Variants in COTL1 observed in about 807,000 individuals in gnomAD.
COTL1 encodes coactosin-like protein.
A neutral mutation model predicts 16.5 loss-of-function variants in COTL1; 15 were observed. That is an observed-to-expected ratio of 0.91 (90% CI 0.61 to 1.40). The LOEUF (loss-of-function observed/expected upper bound fraction) is 1.40, where lower values mean the gene tolerates loss of function less well. Among genes scored for constraint, COTL1 ranks in the 40% most tolerant of loss-of-function variants. COTL1 has a pLI of 0.00. For missense variants in COTL1, 220 were observed against 201.5 expected (o/e 1.09, Z -0.56); for synonymous variants, 112 against 85.3 (o/e 1.31, Z -1.73).
chr16:84,614,352 G>T (rs1905414888), intron 2 of COTL1, among the ~76,000 whole-genome samples: 1 of 152,170 alleles, frequency 6.6e-6, no homozygotes, highest in African/African-American at 2.4e-5. Context: ...GAGTGCGGGG[G>T]TGGGAGGGAA....
chr16:84,599,263 G>C (rs1204756881), intron 2 of COTL1, among the ~76,000 whole-genome samples: 1 of 152,250 alleles, frequency 6.6e-6, no homozygotes, highest in Non-Finnish European at 1.5e-5. Context: ...GCCAAAGCCA[G>C]TCCTGGCTGG....
At chr16:84,609,548 T>C (rs1416408160) in intron 2 of COTL1, among the ~76,000 whole-genome samples, 4 of 152,196 alleles carry the variant, frequency 2.6e-5, no homozygotes, top group Non-Finnish European at 5.9e-5. Flanking sequence ...GGCCTCACTT[T>C]CTCCTCTGGT....
At chr16:84,617,757 C>T (rs1567542961) in intron 1 of COTL1, 81 bp downstream of exon 1, 1 of 1,453,144 alleles carries the variant, frequency 6.9e-7, no homozygotes, top group Non-Finnish European at 9.4e-7. Flanking sequence ...CCGAATCCGT[C>T]CCGCCTGGAG....
intron 2 of COTL1, among the ~76,000 whole-genome samples, chr16:84,603,731 G>A (rs1281125049): frequency 1.3e-5 from 2 of 152,072 alleles, no homozygotes; most frequent in Admixed American, 6.5e-5. Context: ...GCTGCTCAGG[G>A]CCTGTGGGGT....
At chr16:84,603,445 G>A (rs1555524283) in intron 2 of COTL1, among the ~76,000 whole-genome samples, 1 of 152,140 alleles carries the variant, frequency 6.6e-6, no homozygotes, top group Non-Finnish European at 1.5e-5. Context: ...AAACACAGGG[G>A]GACCCACTGA....
At chr16:84,605,409 G>A (rs1053731845) in intron 2 of COTL1, among the ~76,000 whole-genome samples, 4 of 152,208 alleles carry the variant, frequency 2.6e-5, no homozygotes, top group East Asian at 1.9e-4. Flanking sequence ...GCAAAACAAC[G>A]GCCCCTAAGA....
intron 2 of COTL1, chr16:84,595,723 T>C (rs752833556): frequency 3.9e-5 from 6 of 152,180 alleles, no homozygotes; most frequent in Non-Finnish European, 7.3e-5. Context: ...TAGTGTGATA[T>C]GTGTGTGCGT....
chr16:84,572,181 G>T lies in COTL1; in HGVS notation c.319-5226C>A, dbSNP rs1301084381. On this transcript the variant is annotated intron_variant, in intron 3 of 3. Transcript: ENST00000262428. ...GGCAGAAGCTGAGCAAAACAGCTCT[G>T]GGCAGACAGACTCTGACTTGGGAGC... Among the ~76,000 whole-genome samples, 4 of 152,344 alleles carry T rather than the reference G, an allele frequency of 2.6e-5. No homozygotes were observed. In the East Asian group the frequency reaches 7.7e-4, roughly 29 times the overall value.
At chr16:84,601,801 T>G (rs1567538596) in intron 2 of COTL1, among the ~76,000 whole-genome samples, 1 of 152,030 alleles carries the variant, frequency 6.6e-6, no homozygotes, top group Non-Finnish European at 1.5e-5. Context: ...GAGAACAGGG[T>G]AAGGACAAAG....
intron 3 of COTL1, 194 bp from the exon 4 acceptor site, chr16:84,567,149 G>A: frequency 1.8e-6 from 1 of 542,306 alleles, no homozygotes; most frequent in Admixed American, 2.9e-5. Context: ...GAGTCATCTG[G>A]CAGAAAAAAC....
intron 2 of COTL1, among the ~76,000 whole-genome samples, chr16:84,599,904 T>C (rs1293548166): frequency 6.6e-6 from 1 of 152,186 alleles, no homozygotes; most frequent in South Asian, 2.1e-4. Context: ...GCAGTCGCCA[T>C]GGCAGCGGCT....
At chr16:84,617,646 C>G (rs113495648) in intron 1 of COTL1, 63 bp from the exon 2 acceptor site, 1 of 1,502,208 alleles carries the variant, frequency 6.7e-7, no homozygotes, top group Non-Finnish European at 9.1e-7. Context: ...CGCGACGCGG[C>G]GCTTGCAGAG....
At chr16:84,581,978 CTTTTT>C (rs11332563) in intron 3 of COTL1, among the ~76,000 whole-genome samples, 4,993 of 65,590 alleles carry the variant, frequency 0.076, 86 homozygotes, top group Middle Eastern at 0.1. Flanking sequence ...TACATTTCTT[CTTTTT>C]TTTTTTTTTT....
intron 2 of COTL1, among the ~76,000 whole-genome samples, chr16:84,612,551 G>A (rs1263859859): frequency 3.3e-5 from 5 of 152,214 alleles, no homozygotes; most frequent in Admixed American, 3.3e-4. Flanking sequence ...GGGAGGCTGA[G>A]GCAGGTGGAT....
intron 3 of COTL1, 145 bp downstream of exon 3, chr16:84,589,960 G>A: frequency 1.4e-6 from 1 of 711,504 alleles, no homozygotes; most frequent in Non-Finnish European, 2.2e-6. Context: ...TTCACCAATG[G>A]CTTTACTGGT....
chr16:84,570,725 G>A (rs1275652647), intron 3 of COTL1, among the ~76,000 whole-genome samples: 1 of 152,170 alleles, frequency 6.6e-6, no homozygotes, highest in African/African-American at 2.4e-5. Context: ...AGAATGGAAG[G>A]TTATTTTCCC....
chr16:84,617,601 A>T lies in COTL1; in HGVS notation c.78-18T>A. On this transcript the variant is annotated intron_variant, in intron 1 of 3. Transcript: ENST00000262428. ...AAGTCACCCTTTGGGTTGGGAGAAG[A>T]AAAAAACACACACACACATCAGCGC... The T allele has an allele frequency of 6.5e-7, 1 of 1,549,390 alleles. No homozygotes were observed. The highest frequency in any genetic ancestry group is 8.7e-7 in the Non-Finnish European group (1 of 1,144,496).
At chr16:84,604,389 C>T (rs12599507) in intron 2 of COTL1, among the ~76,000 whole-genome samples, 4,303 of 146,826 alleles carry the variant, frequency 0.029, 115 homozygotes, top group East Asian at 0.094. Flanking sequence ...GCCTCATCCT[C>T]CTTTTTTCTT....
chr16:84,568,668 G>T (rs149309370), intron 3 of COTL1: 2 of 152,174 alleles, frequency 1.3e-5, no homozygotes, highest in African/African-American at 4.8e-5. Flanking sequence ...TGATAGAGAC[G>T]TTCTAAAATT....
Sources: gnomAD v4.1 joint callset for allele counts (sites outside exome capture counted in the v4.1 genomes callset) on GRCh38, gnomAD v4.1.1 for gene constraint, MANE v1.5 for transcripts, NCBI Gene and HGNC (gene_info 2026-07-23, HGNC 2026-07-21) for gene names.